Variants in MTUS2 observed in about 807,000 individuals in gnomAD.
MTUS2 encodes microtubule-associated tumor suppressor candidate 2.
A neutral mutation model predicts 114.1 loss-of-function variants in MTUS2; 40 were observed. That is an observed-to-expected ratio of 0.35 (90% confidence interval 0.27 to 0.46). The LOEUF (loss-of-function observed/expected upper bound fraction) is 0.46. Among genes scored for constraint, MTUS2 ranks in the 20% least tolerant of loss-of-function variants. MTUS2 has a pLI of 1.00. For synonymous variants in MTUS2, 688 were observed against 672.0 expected, an observed-to-expected ratio of 1.02 and a Z score of -0.37; for missense variants, 1,679 against 1,705.4, an observed-to-expected ratio of 0.98 and a Z score of 0.27.
At position 29,111,288 on chromosome 13, in the gene MTUS2, A is replaced by T. The variant is rs1049865935; in HGVS notation, c.2644+10318A>T. ...TATTTTTTCTCTGTCTTAATAAGAT[A>T]AAAATTTTAGAACAATAACAGAGAA... On this transcript the variant is annotated intron_variant, in intron 5 of 15. Coordinates refer to ENST00000612955, the MANE Select transcript of MTUS2 (RefSeq NM_001033602.4). Among the ~76,000 whole-genome samples the T allele has an allele frequency of 3.3e-5, 5 of 152,338 alleles. No homozygotes were observed. The South Asian group carries it at 1.0e-3, about 32-fold the overall frequency.
chr13:29,495,876 CTGTCTT>C (rs988710724), intron 12 of MTUS2, among the ~76,000 whole-genome samples: 12 of 151,954 alleles, frequency 7.9e-5, no homozygotes, highest in East Asian at 1.9e-4. Context: ...GTCTCTGTCT[CTGTCTT>C]TGTCTCTCTT....
At chr13:29,447,273 T>C (rs1878350365) in intron 9 of MTUS2, among the ~76,000 whole-genome samples, 1 of 152,126 alleles carries the variant, frequency 6.6e-6, no homozygotes, top group African/African-American at 2.4e-5. Flanking sequence ...TACAAAAGAA[T>C]ACGTCATGAA....
intron 5 of MTUS2, among the ~76,000 whole-genome samples, chr13:29,243,170 A>G (rs73168221): frequency 0.037 from 5,629 of 152,264 alleles, 284 homozygotes; most frequent in East Asian, 0.24. Flanking sequence ...TCATTAGCAT[A>G]TAAGAGGAGT....
chr13:28,957,510 ACT>A, intron 2 of MTUS2, among the ~76,000 whole-genome samples: 1 of 152,174 alleles, frequency 6.6e-6, no homozygotes, highest in Non-Finnish European at 1.5e-5. Context: ...TTTTCTTGTC[ACT>A]CTTTCTTAAA....
In MTUS2 at chr13:29,394,490, T is replaced by C. The variant is rs377687677; in HGVS notation, c.3117+35017T>C. Among the ~76,000 whole-genome samples the C allele has an allele frequency of 9.2e-5, 14 of 152,280 alleles. No individual in the cohort carries two copies. In the East Asian group the frequency reaches 1.7e-3, roughly 19 times the overall value. On this transcript the variant is annotated intron_variant, in intron 8 of 15. Transcript: ENST00000612955. ...AGGTAAGGGGTTGTGGCAACTACAGTCCTTATTATGCAGGTGAAGCCTCCA... is the reference window on the plus strand; with the variant it reads ...AGGTAAGGGGTTGTGGCAACTACAGCCCTTATTATGCAGGTGAAGCCTCCA...
At chr13:29,448,753 C>CTTTTTTTT (rs71090255) in intron 9 of MTUS2, among the ~76,000 whole-genome samples, 13 of 115,576 alleles carry the variant, frequency 1.1e-4, no homozygotes, top group African/African-American at 4.5e-4. Flanking sequence ...ACAGAGTGCT[C>CTTTTTTTT]TTTTTTTTTT....
intron 2 of MTUS2, among the ~76,000 whole-genome samples, chr13:28,939,521 A>C (rs1157878623): frequency 1.3e-5 from 2 of 152,104 alleles, no homozygotes; most frequent in Non-Finnish European, 2.9e-5. Context: ...AAGAAGCATC[A>C]ACAAAACAGT....
At chr13:29,082,414 A>T (rs952165715) in intron 4 of MTUS2, among the ~76,000 whole-genome samples, 2 of 152,280 alleles carry the variant, frequency 1.3e-5, no homozygotes, top group South Asian at 4.1e-4. Context: ...GTCATGCCTG[A>T]TGGTGATATT....
At chr13:29,125,527 G>A (rs1266063859) in intron 5 of MTUS2, among the ~76,000 whole-genome samples, 2 of 152,180 alleles carry the variant, frequency 1.3e-5, no homozygotes, top group East Asian at 3.8e-4. Context: ...TGAATAATAT[G>A]AACACTTTGT....
chr13:29,158,223 A>G (rs1892944901), intron 5 of MTUS2, among the ~76,000 whole-genome samples: 1 of 152,094 alleles, frequency 6.6e-6, no homozygotes, highest in Non-Finnish European at 1.5e-5. Context: ...AATAGATGAA[A>G]AGATTGCCAG....
chr13:29,067,958 T>C (rs1399239344), intron 4 of MTUS2, among the ~76,000 whole-genome samples: 2 of 151,668 alleles, frequency 1.3e-5, no homozygotes, highest in Non-Finnish European at 2.9e-5. Context: ...AATTAATTGA[T>C]TGGCATCACC....
chr13:29,211,226 G>A (rs1407080530), intron 5 of MTUS2, among the ~76,000 whole-genome samples: 1 of 152,090 alleles, frequency 6.6e-6, no homozygotes, highest in African/African-American at 2.4e-5. Context: ...GCCTCTGCTG[G>A]GTCACGCAGG....
chr13:29,333,017 A>G (rs530297289), intron 7 of MTUS2, among the ~76,000 whole-genome samples: 8 of 152,160 alleles, frequency 5.3e-5, no homozygotes, highest in Middle Eastern at 3.4e-3. Context: ...AGTGCTATAA[A>G]TTTCCCTCTA....
chr13:29,001,707 CAT>C (rs1245729199), intron 2 of MTUS2, among the ~76,000 whole-genome samples: 1 of 152,140 alleles, frequency 6.6e-6, no homozygotes, highest in African/African-American at 2.4e-5. Context: ...TATGTTCCCT[CAT>C]GTGGCAAAAG....
intron 2 of MTUS2, among the ~76,000 whole-genome samples, chr13:28,917,015 T>A (rs1880783198): frequency 6.6e-6 from 1 of 151,976 alleles, no homozygotes; most frequent in South Asian, 2.1e-4. Context: ...TCAGTATCAA[T>A]TAAAATGATT....
chr13:29,488,435 CT>C (rs1881798908), intron 11 of MTUS2, among the ~76,000 whole-genome samples: 1 of 136,106 alleles, frequency 7.3e-6, no homozygotes, highest in Admixed American at 7.6e-5. Context: ...TTTTTTTTTC[CT>C]CTTTTTTTTT....
At chr13:29,244,842 G>A (rs1896854226) in intron 5 of MTUS2, among the ~76,000 whole-genome samples, 1 of 148,262 alleles carries the variant, frequency 6.7e-6, no homozygotes, top group Non-Finnish European at 1.5e-5. Flanking sequence ...TGTAGTCCCA[G>A]CTACTTGGGA....
chr13:29,301,886 A>G (rs1899218467), intron 6 of MTUS2, among the ~76,000 whole-genome samples: 1 of 152,238 alleles, frequency 6.6e-6, no homozygotes, highest in Non-Finnish European at 1.5e-5. Flanking sequence ...GTAAGAGACC[A>G]TTCCTCATAG....
At chr13:29,122,491 C>T (rs1393024703) in intron 5 of MTUS2, among the ~76,000 whole-genome samples, 1 of 152,140 alleles carries the variant, frequency 6.6e-6, no homozygotes, top group Admixed American at 6.5e-5. Context: ...AGAACTCACT[C>T]ACTATCATGA....
Sources: allele counts gnomAD v4.1 joint callset (sites outside exome capture counted in the v4.1 genomes callset), GRCh38; gene constraint gnomAD v4.1.1; transcripts MANE v1.5; gene names NCBI Gene and HGNC (gene_info 2026-07-23, HGNC 2026-07-21).